AKT3: variants seen among roughly 807,000 people sequenced by gnomAD.
The protein encoded by AKT3 is RAC-gamma serine/threonine-protein kinase.
A neutral mutation model predicts 65.3 loss-of-function variants in AKT3; 15 were observed. The ratio of observed to expected loss-of-function variants is 0.23; its 90% CI spans 0.15 to 0.35. The LOEUF (loss-of-function observed/expected upper bound fraction) is 0.35. Among genes scored for constraint, AKT3 ranks in the 10% least tolerant of loss-of-function variants. The probability of loss-of-function intolerance (pLI) is 1.00; values close to 1 mark genes in which losing one functional copy is unlikely to be tolerated. For synonymous variants in AKT3, 206 were observed against 183.8 expected (o/e 1.12, Z -0.98); for missense variants, 243 against 576.5 (o/e 0.42, Z 5.92).
intron 12 of AKT3, among the ~76,000 whole-genome samples, chr1:243,523,614 T>C (rs1670864369): frequency 6.6e-6 from 1 of 152,172 alleles, no homozygotes; most frequent in Non-Finnish European, 1.5e-5. Context: ...TAAATATTCA[T>C]ACTAAAGTCA....
At chr1:243,827,043 A>C (rs1341962823) in intron 2 of AKT3, among the ~76,000 whole-genome samples, 3 of 103,394 alleles carry the variant, frequency 2.9e-5, no homozygotes, top group Non-Finnish European at 8.2e-5. Context: ...AATATAAGGA[A>C]GGAAAAAACT....
In AKT3 at chr1:243,504,347, C is replaced by A. The variant is rs543218384; in HGVS notation, c.*902G>T. 2 of 201,796 alleles carry A rather than the reference C, an allele frequency of 9.9e-6. No homozygotes were observed. Among genetic ancestry groups the A allele is most frequent in the South Asian group, 3.8e-4 (2 of 5,232 alleles). 12.5% of individuals were successfully genotyped at this position (201,796 alleles called of 1,614,324 possible). A position where few individuals can be genotyped will look rare whatever the true frequency, so the allele number is the denominator to read the frequency against. ...ATTAAATAAGGCAAACACCTGTTTA[C>A]CTTGGTGTAGAAATTTTGGTGAAAA... On this transcript the variant is annotated 3_prime_UTR_variant, in exon 14 of 14. Coordinates refer to ENST00000673466, the MANE Select transcript of AKT3 (RefSeq NM_005465.7).
intron 2 of AKT3, among the ~76,000 whole-genome samples, chr1:243,821,330 C>A (rs1693840746): frequency 6.6e-6 from 1 of 152,146 alleles, no homozygotes; most frequent in South Asian, 2.1e-4. Flanking sequence ...TGCAAAAATA[C>A]ACTGAAATAC....
At chr1:243,534,095 C>A (rs1671739131) in intron 12 of AKT3, among the ~76,000 whole-genome samples, 1 of 151,970 alleles carries the variant, frequency 6.6e-6, no homozygotes, top group Non-Finnish European at 1.5e-5. Flanking sequence ...CAGAGACAGT[C>A]AGAGTAGATA....
intron 3 of AKT3, among the ~76,000 whole-genome samples, chr1:243,686,651 ATTTTTTTTTTTTT>A (rs143487611): frequency 4.3e-5 from 1 of 23,522 alleles, no homozygotes; most frequent in African/African-American, 1.6e-4. Context: ...ATATATATAT[ATTTTTTTTTTTTT>A]TTTTTTTTTT....
intron 2 of AKT3, among the ~76,000 whole-genome samples, chr1:243,756,524 C>T (rs1261053274): frequency 3.3e-5 from 5 of 152,154 alleles, no homozygotes; most frequent in African/African-American, 4.8e-5. Context: ...AACACTATGA[C>T]TCATTTGTTG....
intron 8 of AKT3, among the ~76,000 whole-genome samples, chr1:243,574,696 C>A (rs183117665): frequency 6.6e-6 from 1 of 151,994 alleles, no homozygotes; most frequent in Admixed American, 6.6e-5. Flanking sequence ...GTATTACCAG[C>A]CTAACAAGGA....
chr1:243,734,604 G>GT (rs1282969178), intron 2 of AKT3, among the ~76,000 whole-genome samples: 1 of 152,154 alleles, frequency 6.6e-6, no homozygotes, highest in Non-Finnish European at 1.5e-5. Flanking sequence ...AATGGGGCTT[G>GT]TAGGACTAGA....
chr1:243,602,238 A>G (rs893290672), intron 8 of AKT3, among the ~76,000 whole-genome samples: 1 of 152,184 alleles, frequency 6.6e-6, no homozygotes, highest in Non-Finnish European at 1.5e-5. Context: ...ATTATATACT[A>G]AAAATGCTTC....
intron 2 of AKT3, among the ~76,000 whole-genome samples, chr1:243,813,666 G>C (rs1572395252): frequency 6.6e-6 from 1 of 151,988 alleles, no homozygotes; most frequent in Non-Finnish European, 1.5e-5. Context: ...TACCATATTA[G>C]GCATAATTAT....
intron 2 of AKT3, among the ~76,000 whole-genome samples, chr1:243,841,154 AG>A (rs1188216543): frequency 1.4e-5 from 2 of 146,954 alleles, no homozygotes. Flanking sequence ...ACACATTATT[AG>A]AAAAATGATG....
Position 243,688,990 on chromosome 1 carries a change from G to C in AKT3, c.172+6601C>G, listed in dbSNP as rs552461348. Among the ~76,000 whole-genome samples, 28 of 151,932 alleles carry C rather than the reference G, an allele frequency of 1.8e-4. No individual in the cohort carries two copies. In the South Asian group the frequency reaches 2.7e-3, roughly 15 times the overall value. The stretch of plus-strand genomic sequence containing the variant: ...AACATAATCAAATCCTCTTCTTCAG[G>C]GCTCATGTTAACCCCATCTCCTGAG... On this transcript the variant is annotated intron_variant, in intron 3 of 13. Coordinates refer to ENST00000673466, the MANE Select transcript of AKT3 (RefSeq NM_005465.7).
chr1:243,564,508 A>G (rs1419617954), intron 9 of AKT3, among the ~76,000 whole-genome samples: 1 of 152,226 alleles, frequency 6.6e-6, no homozygotes. Flanking sequence ...AACACCAAAG[A>G]AAATCTTAAA....
intron 4 of AKT3, among the ~76,000 whole-genome samples, chr1:243,646,602 G>T (rs1022954762): frequency 6.6e-6 from 1 of 152,040 alleles, no homozygotes; most frequent in Non-Finnish European, 1.5e-5. Flanking sequence ...TGATCCATCC[G>T]CCATGGCCTC....
At chr1:243,506,039 C>G (rs768222223) in intron 13 of AKT3, among the ~76,000 whole-genome samples, 1 of 152,228 alleles carries the variant, frequency 6.6e-6, no homozygotes, top group Non-Finnish European at 1.5e-5. Flanking sequence ...CACAGATGAT[C>G]AGCACCCTGT....
chr1:243,668,177 C>T (rs1266427465), intron 3 of AKT3, among the ~76,000 whole-genome samples: 1 of 152,098 alleles, frequency 6.6e-6, no homozygotes, highest in Admixed American at 6.6e-5. Context: ...ATAGTAGGTA[C>T]TCAATAAACA....
chr1:243,685,998 A>G (rs541891988), intron 3 of AKT3, among the ~76,000 whole-genome samples: 2 of 152,318 alleles, frequency 1.3e-5, no homozygotes, highest in African/African-American at 4.8e-5. Flanking sequence ...GTGAACTCCT[A>G]TTCACAATTG....
At chr1:243,805,064 CAG>C (rs1049390916) in intron 2 of AKT3, among the ~76,000 whole-genome samples, 3 of 152,226 alleles carry the variant, frequency 2.0e-5, no homozygotes, top group Middle Eastern at 3.4e-3. Flanking sequence ...GTTAGGTGGG[CAG>C]AGATTTCTTC....
chr1:243,528,339 G>C (rs888980579), intron 12 of AKT3, among the ~76,000 whole-genome samples: 2 of 151,886 alleles, frequency 1.3e-5, no homozygotes, highest in African/African-American at 4.8e-5. Flanking sequence ...TAAATTTTAG[G>C]TTGAGTGGCA....
Sources: allele counts gnomAD v4.1 joint callset (sites outside exome capture counted in the v4.1 genomes callset), GRCh38; gene constraint gnomAD v4.1.1; transcripts MANE v1.5; gene names NCBI Gene and HGNC (gene_info 2026-07-23, HGNC 2026-07-21).